TSPAN33: variants seen among roughly 807,000 people sequenced by gnomAD.
TSPAN33 encodes tetraspanin 33, also known as tetraspanin-33.
A neutral mutation model predicts 34.8 loss-of-function variants in TSPAN33; 27 were observed. The ratio of observed to expected loss-of-function variants is 0.78; its 90% confidence interval spans 0.57 to 1.07. The LOEUF (loss-of-function observed/expected upper bound fraction) is 1.07, where lower values mean the gene tolerates loss of function less well. TSPAN33 is among the 50% of genes least tolerant of loss of function. The probability of loss-of-function intolerance (pLI) is 0.00; values close to 1 mark genes in which losing one functional copy is unlikely to be tolerated. For synonymous variants in TSPAN33, 119 were observed against 124.2 expected, an observed-to-expected ratio of 0.96 and a Z score of 0.28; for missense variants, 272 against 324.9, an observed-to-expected ratio of 0.84 and a Z score of 1.25.
At chr7:129,149,377 G>A (rs1456354799) in intron 1 of TSPAN33, among the ~76,000 whole-genome samples, 1 of 152,152 alleles carries the variant, frequency 6.6e-6, no homozygotes, top group African/African-American at 2.4e-5. Flanking sequence ...GGCCAACATG[G>A]TGAAACCCCA....
At chr7:129,158,527 G>A (rs75593001) in intron 1 of TSPAN33, among the ~76,000 whole-genome samples, 11,348 of 152,076 alleles carry the variant, frequency 0.075, 506 homozygotes, top group East Asian at 0.087. Flanking sequence ...GTAGTTTTCC[G>A]TCCTCTCCTT....
intron 5 of TSPAN33, 30 bp downstream of exon 5, chr7:129,164,599 G>A (rs756652780): frequency 5.0e-5 from 80 of 1,585,066 alleles, no homozygotes; most frequent in Middle Eastern, 1.7e-4. Context: ...CTGGGGGACT[G>A]TGGGTAAAAG....
At chr7:129,149,804 C>G (rs763184468) in intron 1 of TSPAN33, among the ~76,000 whole-genome samples, 62 of 152,244 alleles carry the variant, frequency 4.1e-4, no homozygotes, top group Non-Finnish European at 5.0e-4. Context: ...ACAGTGTCCC[C>G]CAATCCAGAG....
chr7:129,161,718 C>T lies in TSPAN33; in HGVS notation c.142C>T (p.Arg48Trp), dbSNP rs773935556. 3.4e-5 allele frequency: 55 copies of T among 1,614,064 alleles called. 1 individual carries two copies. In the East Asian group the frequency reaches 3.6e-4, roughly 10 times the overall value. Reference sequence around the variant, plus strand: ...GATGGTGGCTGTGGGTGTCTACGCTCGGCTAATGAAGCATGCAGGTGAGCT... The same window carrying T: ...GATGGTGGCTGTGGGTGTCTACGCTTGGCTAATGAAGCATGCAGGTGAGCT... ...MVMVAVGVYA[R>W]LMKHAEAALA... The change falls in exon 2 of 8, where the codon CGG (arginine) becomes TGG (tryptophan). Residue 48 changes from arginine (R) to tryptophan (W), a missense_variant. Coordinates refer to ENST00000486685, the MANE Select transcript of TSPAN33 (RefSeq NM_178562.5).
Position 129,169,481 on chromosome 7 carries a change from C to G in TSPAN33, c.*1607C>G, listed in dbSNP as rs1793200388. The G allele has an allele frequency of 6.6e-6, 1 of 152,298 alleles. No individual in the cohort carries two copies. The highest frequency in any genetic ancestry group is 6.5e-5 in the Admixed American group (1 of 15,290). The allele number at this position is 152,298 out of a possible 1,614,324, so 9.4% of individuals were successfully genotyped here. The stretch of plus-strand genomic sequence containing the variant: ...TCGCCGCACCCCGCTATCGGGCGCT[C>G]AGACCAGGGGCTCGGCCTGGCGGGA... On this transcript the variant is annotated 3_prime_UTR_variant, in exon 8 of 8. Coordinates refer to ENST00000486685, the MANE Select transcript of TSPAN33 (RefSeq NM_178562.5).
At chr7:129,145,820 G>A (rs1206222238) in intron 1 of TSPAN33, among the ~76,000 whole-genome samples, 2 of 151,694 alleles carry the variant, frequency 1.3e-5, no homozygotes, top group African/African-American at 4.8e-5. Flanking sequence ...CCACTCTGCC[G>A]TTCATTGTTG....
intron 1 of TSPAN33, among the ~76,000 whole-genome samples, chr7:129,145,539 G>T (rs1458177235): frequency 6.6e-6 from 1 of 151,896 alleles, no homozygotes; most frequent in Non-Finnish European, 1.5e-5. Flanking sequence ...TCTTCCTTTT[G>T]CAGGCCTCAT....
chr7:129,155,963 T>G (rs1408026918), intron 1 of TSPAN33, among the ~76,000 whole-genome samples: 5 of 152,120 alleles, frequency 3.3e-5, no homozygotes, highest in African/African-American at 7.2e-5. Flanking sequence ...ACTCCTGAGC[T>G]CAAACCATCC....
intron 1 of TSPAN33, among the ~76,000 whole-genome samples, chr7:129,147,254 G>A (rs930068098): frequency 6.6e-6 from 1 of 152,128 alleles, no homozygotes; most frequent in Non-Finnish European, 1.5e-5. Context: ...CAATGTATCT[G>A]TCTCTCTGAC....
At position 129,168,389 on chromosome 7, in the gene TSPAN33, GGGGA is replaced by G. The variant is rs1347620378; in HGVS notation, c.*516_*519del. 3 of 159,202 alleles carry G rather than the reference GGGGA, an allele frequency of 1.9e-5. No individual in the cohort carries two copies. Among genetic ancestry groups the G allele is most frequent in the African/African-American group, 2.4e-5 (1 of 41,588 alleles). 9.9% of individuals were successfully genotyped at this position (159,202 alleles called of 1,614,324 possible). Reference sequence around the variant, plus strand: ...TGAGGAGAGAGCCTGGGGGTCGGCTGGGGACAGCCGTATGTGCTAGGTAGGAGTG... The same window carrying G: ...TGAGGAGAGAGCCTGGGGGTCGGCTGCAGCCGTATGTGCTAGGTAGGAGTG... On this transcript the variant is annotated 3_prime_UTR_variant, in exon 8 of 8. Transcript: ENST00000486685.
intron 1 of TSPAN33, among the ~76,000 whole-genome samples, chr7:129,156,764 C>T (rs2150624177): frequency 6.6e-6 from 1 of 152,220 alleles, no homozygotes; most frequent in East Asian, 1.9e-4. Flanking sequence ...CTACAAGATG[C>T]TCTAGGCTCA....
At chr7:129,161,894 G>A (rs1428599593) in intron 2 of TSPAN33, among the ~76,000 whole-genome samples, 158 bp downstream of exon 2, 1 of 152,190 alleles carries the variant, frequency 6.6e-6, no homozygotes, top group Non-Finnish European at 1.5e-5. Flanking sequence ...GACCCCCCCA[G>A]GCCAGTGCCC....
Position 129,154,611 on chromosome 7 carries a change from C to T in TSPAN33, c.103-7068C>T, listed in dbSNP as rs113700852. Reference sequence around the variant, plus strand: ...ACAAAATTAGCCGGGTGTGGTGGCTCATGCCTGTAATCCCAGCTACTTGGG... The same window carrying T: ...ACAAAATTAGCCGGGTGTGGTGGCTTATGCCTGTAATCCCAGCTACTTGGG... On this transcript the variant is annotated intron_variant, in intron 1 of 7. Transcript: ENST00000486685. Among the ~76,000 whole-genome samples, 1,089 of 151,978 alleles carry T rather than the reference C, an allele frequency of 7.2e-3. 15 individuals carry two copies. The highest frequency in any genetic ancestry group is 0.025 in the African/African-American group (1,044 of 41,452).
In TSPAN33 at chr7:129,165,287, T is replaced by A. The variant is rs1002286184; in HGVS notation, c.459+718T>A. On this transcript the variant is annotated intron_variant, in intron 5 of 7. Transcript: ENST00000486685. The surrounding 1 kb of genome is among the most constrained non-coding windows in gnomAD (Gnocchi z 4.5). ...ACACTAACTCCCCATTTTCCTCTCC[T>A]GAAATTCTGTATCCATTGAACACTA... Among the ~76,000 whole-genome samples, 2 of 152,250 alleles carry A rather than the reference T, an allele frequency of 1.3e-5. No homozygotes were observed. Among genetic ancestry groups the A allele is most frequent in the Admixed American group, 1.3e-4 (2 of 15,290 alleles).
Position 129,169,591 on chromosome 7 carries a change from C to T in TSPAN33, c.*1717C>T, listed in dbSNP as rs1008734215. 2 of 152,206 alleles carry T rather than the reference C, an allele frequency of 1.3e-5. No homozygotes were observed. Among genetic ancestry groups the T allele is most frequent in the Non-Finnish European group, 2.9e-5 (2 of 68,014 alleles). 9.4% of individuals were successfully genotyped at this position (152,206 alleles called of 1,614,324 possible). Reference sequence around the variant, plus strand: ...GTGTCTCCTAAGCGAGCCTTCTGCTCCTAGGAAGGCGCCTTTCCAGCAGCC... The same window carrying T: ...GTGTCTCCTAAGCGAGCCTTCTGCTTCTAGGAAGGCGCCTTTCCAGCAGCC... On this transcript the variant is annotated 3_prime_UTR_variant, in exon 8 of 8. Transcript: ENST00000486685.
chr7:129,164,267 GTCCAGCATT>G (rs1793102325), intron 4 of TSPAN33, among the ~76,000 whole-genome samples, 198 bp from the exon 5 acceptor site: 1 of 152,172 alleles, frequency 6.6e-6, no homozygotes, highest in Non-Finnish European at 1.5e-5. Flanking sequence ...TCAACAGCAG[GTCCAGCATT>G]TCTCCTGCCC....
intron 1 of TSPAN33, among the ~76,000 whole-genome samples, chr7:129,149,905 G>A (rs956786369): frequency 2.0e-5 from 3 of 152,242 alleles, no homozygotes; most frequent in Admixed American, 6.5e-5. Flanking sequence ...AGACCAGTAT[G>A]TGAAGGTCAC....
At chr7:129,151,243 C>A (rs763875392) in intron 1 of TSPAN33, among the ~76,000 whole-genome samples, 7 of 152,182 alleles carry the variant, frequency 4.6e-5, no homozygotes, top group Admixed American at 2.0e-4. Context: ...CGTCCCACCC[C>A]ACCCTGCTGA....
intron 1 of TSPAN33, among the ~76,000 whole-genome samples, chr7:129,150,897 C>T (rs2150621436): frequency 6.6e-6 from 1 of 151,684 alleles, no homozygotes; most frequent in East Asian, 1.9e-4. Flanking sequence ...ACATTCTCAC[C>T]ATAACAAAGG....
Sources: allele counts gnomAD v4.1 joint callset (sites outside exome capture counted in the v4.1 genomes callset), GRCh38; gene constraint gnomAD v4.1.1; non-coding constraint Gnocchi (gnomAD v3.1); transcripts MANE v1.5; gene names NCBI Gene and HGNC (gene_info 2026-07-23, HGNC 2026-07-21).